ZNF609: variants seen among roughly 807,000 people sequenced by gnomAD.
The protein encoded by ZNF609 is zinc finger protein 609.
Under a neutral mutation model 109.5 loss-of-function variants are expected in ZNF609, and 11 were observed. That is an observed-to-expected ratio of 0.10 (90% CI 0.06 to 0.17). ZNF609 has a LOEUF of 0.17. Among genes scored for constraint, ZNF609 ranks in the 10% least tolerant of loss-of-function variants. The pLI is 1.00. For synonymous variants in ZNF609, 646 were observed against 662.0 expected (o/e 0.98, Z 0.37); for missense variants, 1,559 against 1,772.4 (o/e 0.88, Z 2.16).
In ZNF609 at chr15:64,624,761, C is replaced by CTT. The variant is rs11411889; in HGVS notation, c.973+1724_973+1725dup. On this transcript the variant is annotated intron_variant, in intron 3 of 9. Coordinates refer to ENST00000326648, the MANE Select transcript of ZNF609 (RefSeq NM_015042.2). ...TTACCAAGTTCCCCTGTTACGTACA[C>CTT]TTTTTTTTTTTTTTTTGAGATGGAG... Among the ~76,000 whole-genome samples, 271 of 131,818 alleles carry CTT rather than the reference C, an allele frequency of 2.1e-3. 5 individuals carry two copies. Among genetic ancestry groups the CTT allele is most frequent in the East Asian group, 4.8e-3 (22 of 4,538 alleles). The allele number at this position is 131,818 out of a possible 152,430, so 86.5% of individuals were successfully genotyped here.
At chr15:64,469,687 T>A (rs1484238526) in intron 1 of ZNF609, among the ~76,000 whole-genome samples, 2 of 152,084 alleles carry the variant, frequency 1.3e-5, no homozygotes, top group African/African-American at 4.8e-5. Context: ...TTGCCGCATA[T>A]ATCTTTTTCT....
intron 2 of ZNF609, among the ~76,000 whole-genome samples, chr15:64,554,932 A>G (rs1322430407): frequency 6.6e-6 from 1 of 151,812 alleles, no homozygotes; most frequent in Non-Finnish European, 1.5e-5. Flanking sequence ...CCCCATCTCC[A>G]CTAAAAATAC....
At position 64,619,569 on chromosome 15, in the gene ZNF609, C is replaced by T. The variant is rs77823382; in HGVS notation, c.748-3258C>T. On this transcript the variant is annotated intron_variant, in intron 2 of 9. Transcript: ENST00000326648. The stretch of plus-strand genomic sequence containing the variant: ...GTAAATGGAAAATGAATAGTTCAAA[C>T]CCATAGGTGGATTTCGTCGCTTCTC... Among the ~76,000 whole-genome samples, 1,346 of 152,268 alleles carry T rather than the reference C, an allele frequency of 8.8e-3. 24 individuals are homozygous for T. Among genetic ancestry groups the T allele is most frequent in the African/African-American group, 0.031 (1,279 of 41,546 alleles).
chr15:64,555,036 C>T (rs1414372171), intron 2 of ZNF609, among the ~76,000 whole-genome samples: 6 of 150,594 alleles, frequency 4.0e-5, no homozygotes, highest in African/African-American at 9.8e-5. Context: ...GCGGAGGTTA[C>T]GGTGAGCCAA....
At chr15:64,630,814 A>T (rs1896062122) in intron 3 of ZNF609, among the ~76,000 whole-genome samples, 1 of 152,128 alleles carries the variant, frequency 6.6e-6, no homozygotes, top group South Asian at 2.1e-4. Flanking sequence ...TGTTTTGTAA[A>T]TTATTTTATT....
intron 3 of ZNF609, among the ~76,000 whole-genome samples, chr15:64,639,942 T>C (rs1459268124): frequency 2.0e-5 from 3 of 152,124 alleles, no homozygotes; most frequent in Non-Finnish European, 4.4e-5. Context: ...TTTTGTTTTT[T>C]TGAGTCTCTT....
chr15:64,662,736 G>C (rs1044124116), intron 3 of ZNF609, among the ~76,000 whole-genome samples: 64 of 152,050 alleles, frequency 4.2e-4, no homozygotes, highest in African/African-American at 1.5e-3. Flanking sequence ...CGCGATCTCG[G>C]ATCACCACAA....
intron 2 of ZNF609, among the ~76,000 whole-genome samples, chr15:64,569,769 G>A (rs1320748848): frequency 6.6e-6 from 1 of 152,234 alleles, no homozygotes; most frequent in Non-Finnish European, 1.5e-5. Flanking sequence ...AGAATGCATT[G>A]ATAAACCATC....
chr15:64,670,805 G>A (rs1250531863), intron 4 of ZNF609, among the ~76,000 whole-genome samples: 1 of 150,806 alleles, frequency 6.6e-6, no homozygotes, highest in East Asian at 1.9e-4. Flanking sequence ...TTGAACCCAG[G>A]AGGCAGAGGT....
chr15:64,533,409 A>G (rs1894091435), intron 2 of ZNF609, among the ~76,000 whole-genome samples: 2 of 152,216 alleles, frequency 1.3e-5, no homozygotes, highest in African/African-American at 4.8e-5. Context: ...CATTGATTTC[A>G]CATCATCTGG....
At chr15:64,659,395 A>C (rs1031183184) in intron 3 of ZNF609, among the ~76,000 whole-genome samples, 1 of 152,198 alleles carries the variant, frequency 6.6e-6, no homozygotes, top group African/African-American at 2.4e-5. Flanking sequence ...TAAGAGAATC[A>C]TGTAATTAGT....
intron 4 of ZNF609, among the ~76,000 whole-genome samples, chr15:64,670,945 C>T (rs1013131395): frequency 6.6e-6 from 1 of 150,462 alleles, no homozygotes; most frequent in African/African-American, 2.4e-5. Flanking sequence ...TACGGTGGCT[C>T]ACGCCTGTAA....
At chr15:64,673,423 T>G (rs905372116) in intron 4 of ZNF609, among the ~76,000 whole-genome samples, 2 of 152,212 alleles carry the variant, frequency 1.3e-5, no homozygotes, top group Admixed American at 1.3e-4. Flanking sequence ...CATGTACTCT[T>G]GGTTATATCT....
chr15:64,670,775 G>C (rs1256942903), intron 4 of ZNF609, among the ~76,000 whole-genome samples: 2 of 151,722 alleles, frequency 1.3e-5, no homozygotes, highest in African/African-American at 2.4e-5. Context: ...CTGCTTGAGA[G>C]GGTGAGGCAG....
rs780508658 is a variant in ZNF609 at position 64,554,241 on chromosome 15, A to G, written c.747+54075A>G. ...TAGATTTTCTTTTTCGGATTGAGAA[A>G]GTCCTCTTCTATTCCTGGCGTGTTG... is the stretch of plus-strand genomic sequence containing the variant. On this transcript the variant is annotated intron_variant, in intron 2 of 9. Transcript: ENST00000326648. Among the ~76,000 whole-genome samples the G allele has an allele frequency of 9.2e-5, 14 of 152,292 alleles. No homozygotes were observed. In the Middle Eastern group the frequency reaches 0.014, roughly 148 times the overall value.
rs1411377825 is a variant in ZNF609 at position 64,622,957 on chromosome 15, A to T, written c.878A>T (p.Asp293Val). 6 of 1,614,104 alleles carry T rather than the reference A, an allele frequency of 3.7e-6. No homozygotes were observed. The highest frequency in any genetic ancestry group is 1.7e-5 in the Admixed American group (1 of 60,006). The stretch of plus-strand genomic sequence containing the variant: ...CGATCAGTTGGGGTCAACACATGTG[A>T]TGTGGCTCTGGCCACAGAGCCTGAG... ...RTRSVGVNTC[D>V]VALATEPECL... Residue 293 changes from aspartate to valine, a missense_variant, in exon 3 of 10, where the codon GAT (aspartate) becomes GTT (valine). Physicochemically the swap from Asp to Val is radical, Grantham distance 152 (BLOSUM62 -3). Around this residue, in one of 4 missense-constraint regions of ZNF609, gnomAD observed 291 missense variants for 317.8 expected, o/e 0.92. Transcript: ENST00000326648.
At chr15:64,474,994 A>C (rs540169673) in intron 1 of ZNF609, among the ~76,000 whole-genome samples, 1 of 150,698 alleles carries the variant, frequency 6.6e-6, no homozygotes, top group East Asian at 2.0e-4. Context: ...GGCTCTTGCT[A>C]TGTTTCCCTG....
At position 64,532,966 on chromosome 15, in the gene ZNF609, A is replaced by G. The variant is rs375477799; in HGVS notation, c.747+32800A>G. On this transcript the variant is annotated intron_variant, in intron 2 of 9. Transcript: ENST00000326648. The stretch of plus-strand genomic sequence containing the variant: ...CCCTGGTCCAGAGATCCTCTATTTG[A>G]GCTTTCTCTATTTGAGAAACTAGCC... Among the ~76,000 whole-genome samples the G allele has an allele frequency of 6.3e-4, 95 of 151,802 alleles. 1 individual carries two copies. In the South Asian group the frequency reaches 0.019, roughly 30 times the overall value.
Position 64,680,822 on chromosome 15 carries a change from C to T in ZNF609, c.4122C>T (p.Tyr1374=), listed in dbSNP as rs1281779620. The T allele has an allele frequency of 1.9e-6, 3 of 1,613,010 alleles. No individual in the cohort carries two copies. Among genetic ancestry groups the T allele is most frequent in the East Asian group, 2.2e-5 (1 of 44,886 alleles). Residue 1374 remains tyrosine (Y), a synonymous_variant, in exon 8 of 10, where the codon TAC becomes TAT. Transcript: ENST00000326648. The part of the protein sequence containing the change: ...STHHHHHHLG[Y]SLLPAQYNLP... ...ACCACCACCACCACCACTTGGGGTA[C>T]TCATTGCTCCCAGCACAGTACAACT...
Sources: allele counts gnomAD v4.1 joint callset (sites outside exome capture counted in the v4.1 genomes callset), GRCh38; gene constraint gnomAD v4.1.1; regional missense constraint gnomAD v4.1.1; transcripts MANE v1.5; gene names NCBI Gene and HGNC (gene_info 2026-07-23, HGNC 2026-07-21).